CATSPERT: variants seen among roughly 807,000 people sequenced by gnomAD.
The protein encoded by CATSPERT is cation channel sperm-associated targeting subunit tau.
chr2:201,575,624 T>C, the CATSPERT span, among the ~76,000 whole-genome samples: 2 of 152,222 alleles, frequency 1.3e-5, no homozygotes, highest in African/African-American at 2.4e-5. Context: ...GCAAGGGATC[T>C]AGGTTGCATG....
the CATSPERT span, among the ~76,000 whole-genome samples, chr2:201,540,588 T>C: frequency 6.6e-6 from 1 of 152,230 alleles, no homozygotes; most frequent in Non-Finnish European, 1.5e-5. Context: ...CATGGTTTAC[T>C]GAATATTTTA....
chr2:201,547,137 T>C, the CATSPERT span, among the ~76,000 whole-genome samples: 1 of 152,014 alleles, frequency 6.6e-6, no homozygotes, highest in Non-Finnish European at 1.5e-5. Flanking sequence ...ATGGAAAAAT[T>C]GGGAGGTATT....
At chr2:201,616,551 C>T in the CATSPERT span, among the ~76,000 whole-genome samples, 5 of 152,138 alleles carry the variant, frequency 3.3e-5, no homozygotes, top group African/African-American at 4.8e-5. Context: ...ATTGATGGGA[C>T]GTATCTCAAA....
At chr2:201,495,169 A>C in the CATSPERT span, among the ~76,000 whole-genome samples, 1 of 150,742 alleles carries the variant, frequency 6.6e-6, no homozygotes, top group Non-Finnish European at 1.5e-5. Flanking sequence ...TTTTTTTTTT[A>C]ATTCAAGCAA....
the CATSPERT span, among the ~76,000 whole-genome samples, chr2:201,581,591 T>TATATATAC: frequency 3.5e-4 from 16 of 45,320 alleles, no homozygotes; most frequent in Non-Finnish European, 5.1e-4. Context: ...TATATATATA[T>TATATATAC]ATACACATAC....
At chr2:201,554,710 C>T in the CATSPERT span, 2 of 152,132 alleles carry the variant, frequency 1.3e-5, no homozygotes, top group Admixed American at 6.5e-5. Flanking sequence ...TTAATCATAA[C>T]ATTTACTGCC....
chr2:201,525,743 G>A, the CATSPERT span, among the ~76,000 whole-genome samples: 1 of 152,042 alleles, frequency 6.6e-6, no homozygotes, highest in South Asian at 2.1e-4. Flanking sequence ...AAGAAAAAGA[G>A]AGAAGATCCA....
At chr2:201,576,523 A>T in the CATSPERT span, among the ~76,000 whole-genome samples, 1 of 152,204 alleles carries the variant, frequency 6.6e-6, no homozygotes, top group African/African-American at 2.4e-5. Flanking sequence ...CCCATAGGCC[A>T]GTTCGTTAAC....
At chr2:201,619,156 C>G in the CATSPERT span, 213 of 1,610,618 alleles carry the variant, frequency 1.3e-4, no homozygotes, top group Non-Finnish European at 1.7e-4. Context: ...GGCCTGTCTG[C>G]GCCCAACCGA....
chr2:201,618,662 A>G, the CATSPERT span, among the ~76,000 whole-genome samples: 1 of 151,988 alleles, frequency 6.6e-6, no homozygotes, highest in Non-Finnish European at 1.5e-5. Flanking sequence ...TACCTATGTA[A>G]CAAACCTGCA....
chr2:201,499,906 T>A, the CATSPERT span, among the ~76,000 whole-genome samples: 4 of 148,004 alleles, frequency 2.7e-5, no homozygotes. Context: ...TTATATATGA[T>A]ATATATATAT....
chr2:201,510,035 T>C, the CATSPERT span, among the ~76,000 whole-genome samples: 119 of 151,130 alleles, frequency 7.9e-4, 3 homozygotes, highest in African/African-American at 2.9e-3. Flanking sequence ...CTAGGAATTC[T>C]AAGGGATGGG....
the CATSPERT span, among the ~76,000 whole-genome samples, chr2:201,545,080 C>T: frequency 1.4e-4 from 22 of 152,026 alleles, no homozygotes; most frequent in Admixed American, 2.6e-4. Flanking sequence ...CTCTGTCGCC[C>T]AGGCTGGAGT....
At chr2:201,580,188 T>C in the CATSPERT span, among the ~76,000 whole-genome samples, 1 of 152,248 alleles carries the variant, frequency 6.6e-6, no homozygotes, top group Non-Finnish European at 1.5e-5. Context: ...GATAATACTG[T>C]GTACTTCACA....
chr2:201,604,781 T>TGTTTCA, the CATSPERT span: 1 of 1,017,848 alleles, frequency 9.8e-7, no homozygotes, highest in Non-Finnish European at 1.4e-6. Flanking sequence ...ATTGTATGAA[T>TGTTTCA]CTCTAGTAAG....
At chr2:201,529,940 C>T in the CATSPERT span, among the ~76,000 whole-genome samples, 1 of 151,942 alleles carries the variant, frequency 6.6e-6, no homozygotes, top group Non-Finnish European at 1.5e-5. Flanking sequence ...TTAAAATGGG[C>T]AAAGGAACTG....
chr2:201,534,720 C>A, the CATSPERT span: 1 of 980,968 alleles, frequency 1.0e-6, no homozygotes, highest in Middle Eastern at 5.2e-4. Flanking sequence ...GTTAGCATGC[C>A]ATTTCTGTAA....
the CATSPERT span, among the ~76,000 whole-genome samples, chr2:201,508,860 CCA>C: frequency 6.6e-6 from 1 of 151,676 alleles, no homozygotes; most frequent in African/African-American, 2.4e-5. Context: ...TATTTATATA[CCA>C]CAGTTTCCTT....
At chr2:201,592,464 C>T in the CATSPERT span, among the ~76,000 whole-genome samples, 128,079 of 147,522 alleles carry the variant, frequency 0.87, 56,776 homozygotes, top group South Asian at 0.98. Context: ...TGTCTCTGCC[C>T]GCCTTTGGTA....
Sources: gnomAD v4.1 joint callset for allele counts (sites outside exome capture counted in the v4.1 genomes callset) on GRCh38, gnomAD v4.1.1 for gene constraint, MANE v1.5 for transcripts, NCBI Gene and HGNC (gene_info 2026-07-23, HGNC 2026-07-21) for gene names.